The following SAMD5 variants were observed in gnomAD, a reference collection of about 807,000 sequenced individuals.
SAMD5 encodes sterile alpha motif domain containing 5.
A neutral mutation model predicts 11.3 loss-of-function variants in SAMD5; 13 were observed. The ratio of observed to expected loss-of-function variants is 1.15; its 90% CI spans 0.75 to 1.83. The LOEUF (loss-of-function observed/expected upper bound fraction) is 1.83. Among genes scored for constraint, SAMD5 ranks in the 40% most tolerant of loss-of-function variants. The pLI is 0.00. For synonymous variants in SAMD5, 129 were observed against 111.3 expected, an observed-to-expected ratio of 1.16 and a Z score of -1.00; for missense variants, 255 against 239.1, an observed-to-expected ratio of 1.07 and a Z score of -0.44.
the SAMD5 span, among the ~76,000 whole-genome samples, chr6:147,755,455 A>G: frequency 1.6e-4 from 25 of 152,218 alleles, no homozygotes; most frequent in African/African-American, 5.5e-4. Flanking sequence ...TGTCAATGGT[A>G]CTCATATTGA....
chr6:147,682,261 T>G (rs556987750), intron 1 of SAMD5, among the ~76,000 whole-genome samples: 35 of 152,358 alleles, frequency 2.3e-4, no homozygotes, highest in Non-Finnish European at 2.1e-4. Flanking sequence ...CCTTCCTTCA[T>G]TGTCTAATGT....
At chr6:147,949,561 A>G in the SAMD5 span, among the ~76,000 whole-genome samples, 1 of 152,192 alleles carries the variant, frequency 6.6e-6, no homozygotes, top group African/African-American at 2.4e-5. Context: ...TAATGCTTCT[A>G]CATGCTACTT....
At chr6:147,877,580 T>C in the SAMD5 span, among the ~76,000 whole-genome samples, 2 of 152,184 alleles carry the variant, frequency 1.3e-5, no homozygotes, top group African/African-American at 4.8e-5. Context: ...CACAACAGTC[T>C]AGGTGTTTCC....
the SAMD5 span, among the ~76,000 whole-genome samples, chr6:147,751,325 T>C: frequency 6.6e-6 from 1 of 152,232 alleles, no homozygotes; most frequent in East Asian, 1.9e-4. Context: ...AGTTTATTTA[T>C]GTGTAGTGTT....
chr6:147,671,889 ATTTTTT>A (rs56865442), intron 1 of SAMD5, among the ~76,000 whole-genome samples: 25 of 98,062 alleles, frequency 2.5e-4, no homozygotes, highest in Non-Finnish European at 4.0e-4. Flanking sequence ...CTTTTTCAGG[ATTTTTT>A]TTTTTTTTTT....
chr6:147,829,719 A>G, the SAMD5 span, among the ~76,000 whole-genome samples: 1 of 152,100 alleles, frequency 6.6e-6, no homozygotes, highest in East Asian at 1.9e-4. Flanking sequence ...GTGGATGGAC[A>G]TGGAGATGGC....
chr6:147,833,397 A>G, the SAMD5 span, among the ~76,000 whole-genome samples: 1 of 152,266 alleles, frequency 6.6e-6, no homozygotes, highest in South Asian at 2.1e-4. Context: ...GTTTATATTA[A>G]GGAAACTAAG....
At chr6:147,775,571 C>A in the SAMD5 span, among the ~76,000 whole-genome samples, 1 of 152,204 alleles carries the variant, frequency 6.6e-6, no homozygotes, top group African/African-American at 2.4e-5. Flanking sequence ...GAAGTTGTTT[C>A]AACATATTCA....
At chr6:147,926,887 G>C in the SAMD5 span, among the ~76,000 whole-genome samples, 4 of 151,934 alleles carry the variant, frequency 2.6e-5, no homozygotes, top group Non-Finnish European at 5.9e-5. Flanking sequence ...AATCTTCTGC[G>C]TATGGCTAGC....
At chr6:147,793,137 G>C in the SAMD5 span, among the ~76,000 whole-genome samples, 1 of 152,096 alleles carries the variant, frequency 6.6e-6, no homozygotes, top group Non-Finnish European at 1.5e-5. Context: ...TCTGAGCCAG[G>C]TGATCAAGGT....
At chr6:147,892,738 T>C in the SAMD5 span, among the ~76,000 whole-genome samples, 1 of 152,310 alleles carries the variant, frequency 6.6e-6, no homozygotes, top group Admixed American at 6.5e-5. Context: ...GAGGGGTTAC[T>C]CCTAGAGACA....
chr6:147,611,195 G>A (rs1319055634), intron 1 of SAMD5, among the ~76,000 whole-genome samples: 2 of 152,044 alleles, frequency 1.3e-5, no homozygotes, highest in African/African-American at 4.8e-5. Flanking sequence ...ATCGTCAGAA[G>A]TTAAGAAGCC....
the SAMD5 span, among the ~76,000 whole-genome samples, chr6:147,832,991 T>C: frequency 2.6e-5 from 4 of 152,248 alleles, no homozygotes; most frequent in Non-Finnish European, 2.9e-5. Flanking sequence ...TGGTTTTAAA[T>C]AGCAGAATTG....
the SAMD5 span, among the ~76,000 whole-genome samples, chr6:147,759,358 C>T: frequency 6.6e-6 from 1 of 152,150 alleles, no homozygotes; most frequent in Non-Finnish European, 1.5e-5. Context: ...TGGCCAGTGT[C>T]ACCAAGCATC....
At chr6:147,942,928 C>T in the SAMD5 span, among the ~76,000 whole-genome samples, 1 of 151,196 alleles carries the variant, frequency 6.6e-6, no homozygotes, top group Non-Finnish European at 1.5e-5. Flanking sequence ...ATTCTCCTGC[C>T]TCAGGCTCCC....
intron 1 of SAMD5, chr6:147,737,180 G>GT (rs935704089): frequency 1.7e-5 from 5 of 295,174 alleles, no homozygotes; most frequent in African/African-American, 6.5e-5. Flanking sequence ...TTTTTATCAG[G>GT]TTTTTTTATA....
At chr6:147,942,880 A>T in the SAMD5 span, among the ~76,000 whole-genome samples, 2 of 138,594 alleles carry the variant, frequency 1.4e-5, no homozygotes, top group African/African-American at 5.4e-5. Flanking sequence ...GCTTGAGTGC[A>T]GTGGCACAAT....
chr6:147,639,220 T>A (rs944534346), intron 1 of SAMD5, among the ~76,000 whole-genome samples: 2 of 152,172 alleles, frequency 1.3e-5, no homozygotes, highest in Admixed American at 1.3e-4. Context: ...TTTGATGTAG[T>A]CTAAGCAGAA....
chr6:147,613,699 A>G (rs1041795132), intron 1 of SAMD5, among the ~76,000 whole-genome samples: 3 of 151,562 alleles, frequency 2.0e-5, no homozygotes, highest in African/African-American at 7.3e-5. Context: ...AGAAACAGAA[A>G]GAGATGGAGA....
Sources: allele counts gnomAD v4.1 joint callset (sites outside exome capture counted in the v4.1 genomes callset), GRCh38; gene constraint gnomAD v4.1.1; transcripts MANE v1.5; gene names NCBI Gene and HGNC (gene_info 2026-07-23, HGNC 2026-07-21).